Variants in ZFP90 observed in about 807,000 individuals in gnomAD.
ZFP90 encodes the protein ZFP90 zinc finger protein.
In ZFP90, 38 loss-of-function variants were observed where a neutral mutation model predicts 60.8. That is an observed-to-expected ratio of 0.62 (90% CI 0.48 to 0.82). ZFP90 has a LOEUF of 0.82. Among genes scored for constraint, ZFP90 ranks in the 40% least tolerant of loss-of-function variants. ZFP90 has a pLI of 0.00. For synonymous variants in ZFP90, 287 were observed against 264.8 expected (o/e 1.08, Z -0.82); for missense variants, 711 against 759.1 (o/e 0.94, Z 0.74).
intron 2 of ZFP90, among the ~76,000 whole-genome samples, chr16:68,541,330 G>A (rs2091045873): frequency 6.6e-6 from 1 of 151,930 alleles, no homozygotes; most frequent in African/African-American, 2.4e-5. Flanking sequence ...GAGCCACCAC[G>A]CCTGGCCTAA....
intron 2 of ZFP90, among the ~76,000 whole-genome samples, chr16:68,552,114 A>C (rs2152065694): frequency 6.6e-6 from 1 of 152,326 alleles, no homozygotes; most frequent in Middle Eastern, 3.4e-3. Flanking sequence ...ATCTGGAAGA[A>C]GGATGAGCAG....
intron 2 of ZFP90, among the ~76,000 whole-genome samples, chr16:68,550,176 A>C (rs2091234883): frequency 6.6e-6 from 1 of 152,192 alleles, no homozygotes. Flanking sequence ...TCATCTCTAC[A>C]TGTGATAAAT....
At chr16:68,545,581 G>A (rs932958475) in intron 2 of ZFP90, among the ~76,000 whole-genome samples, 1 of 152,044 alleles carries the variant, frequency 6.6e-6, no homozygotes, top group African/African-American at 2.4e-5. Flanking sequence ...TTGGGAGGCC[G>A]AGGCAGGTGG....
chr16:68,558,404 C>T (rs540135794), intron 3 of ZFP90, 69 bp from the exon 4 acceptor site: 72 of 1,436,720 alleles, frequency 5.0e-5, no homozygotes, highest in Middle Eastern at 3.5e-4. Flanking sequence ...CTAGTACTGA[C>T]TTGTCCTTAG....
chr16:68,542,748 A>G (rs1328682872), intron 2 of ZFP90, among the ~76,000 whole-genome samples: 4 of 152,162 alleles, frequency 2.6e-5, no homozygotes, highest in East Asian at 1.9e-4. Flanking sequence ...GGAGAATAGA[A>G]GGAGTTTGGA....
At chr16:68,539,970 C>G (rs1597710352) in intron 2 of ZFP90, 145 bp downstream of exon 2, 1 of 1,253,826 alleles carries the variant, frequency 8.0e-7, no homozygotes, top group East Asian at 2.8e-5. Context: ...ATGGAAAACC[C>G]CAGGCTTTGG....
chr16:68,565,583 G>A lies in ZFP90; in HGVS notation c.*885G>A, dbSNP rs754408947. 9 of 985,350 alleles carry A rather than the reference G, an allele frequency of 9.1e-6. No homozygotes were observed. Among genetic ancestry groups the A allele is most frequent in the African/African-American group, 1.7e-5 (1 of 57,194 alleles). 61.0% of individuals were successfully genotyped at this position (985,350 alleles called of 1,614,324 possible). ...ACAATTATACTTTCAGCTAACATAT[G>A]CCAGTTTCACAGAACTATTAAGTCC... On this transcript the variant is annotated 3_prime_UTR_variant, in exon 5 of 5. Coordinates refer to ENST00000563169, the MANE Select transcript of ZFP90 (RefSeq NM_001305203.2).
rs1187217643 is a variant in ZFP90 at position 68,558,506 on chromosome 16, A to G, written c.194A>G (p.Lys65Arg). The change falls in exon 4 of 5, where the codon AAA becomes AGA. Residue 65 changes from lysine to arginine, a missense_variant. By Grantham distance (26) the Lys-to-Arg change is conservative. Around this residue, in one of 5 missense-constraint regions of ZFP90, gnomAD observed 241 missense variants for 247.6 expected, o/e 0.97. Coordinates refer to ENST00000563169, the MANE Select transcript of ZFP90 (RefSeq NM_001305203.2). The part of the protein sequence containing the change: ...YQVSKPEVIF[K>R]LEQGEEPWIS... ...GTTTCCAAGCCAGAGGTGATCTTCA[A>G]ATTGGAGCAAGGAGAAGAGCCATGG... 1 of 1,614,030 alleles carries G rather than the reference A, an allele frequency of 6.2e-7. No individual in the cohort carries two copies. Among genetic ancestry groups the G allele is most frequent in the Non-Finnish European group, 8.5e-7 (1 of 1,180,002 alleles).
At chr16:68,539,092 G>C (rs2090986042), upstream of ZFP90, 1 of 152,264 alleles carries the variant, frequency 6.6e-6, no homozygotes, top group Non-Finnish European at 1.5e-5. Context: ...TTGCAAAGAG[G>C]AGGCGGACAG....
chr16:68,560,044 T>C (rs1167345066), intron 4 of ZFP90, among the ~76,000 whole-genome samples: 4 of 152,200 alleles, frequency 2.6e-5, no homozygotes, highest in Admixed American at 2.6e-4. Flanking sequence ...CAGATTTAGA[T>C]TGCTATAATT....
rs528101267 is a variant in ZFP90 at position 68,550,655 on chromosome 16, A to G, written c.34-7343A>G. 6.6e-5 allele frequency among the ~76,000 whole-genome samples: 10 copies of G among 152,294 alleles called. No individual in the cohort carries two copies. The South Asian group carries it at 1.0e-3, about 16-fold the overall frequency. On this transcript the variant is annotated intron_variant, in intron 2 of 4. Transcript: ENST00000563169. Reference sequence around the variant, plus strand: ...TTTTCTTTTCCTCCTAGCATTTAAAACCAGTTTGTAATTGGGTGAACATCT... The same window carrying G: ...TTTTCTTTTCCTCCTAGCATTTAAAGCCAGTTTGTAATTGGGTGAACATCT...
intron 2 of ZFP90, among the ~76,000 whole-genome samples, chr16:68,547,098 C>A (rs1187022897): frequency 6.6e-6 from 1 of 152,156 alleles, no homozygotes; most frequent in Admixed American, 6.5e-5. Flanking sequence ...ACAGATATCT[C>A]TTTGAGACCT....
intron 2 of ZFP90, among the ~76,000 whole-genome samples, chr16:68,554,165 C>T (rs1489454138): frequency 2.0e-5 from 3 of 150,224 alleles, no homozygotes; most frequent in South Asian, 2.1e-4. Context: ...TCTGTTGCCC[C>T]GGCTGGAGTG....
intron 2 of ZFP90, among the ~76,000 whole-genome samples, chr16:68,545,892 T>C (rs1253811551): frequency 4.0e-5 from 6 of 149,834 alleles, no homozygotes; most frequent in South Asian, 2.1e-4. Context: ...GTATATCTTA[T>C]GGCCGGGTAC....
chr16:68,561,115 G>A (rs1728788), intron 4 of ZFP90, among the ~76,000 whole-genome samples: 116,866 of 151,880 alleles, frequency 0.77, 45,013 homozygotes, highest in East Asian at 0.82. Flanking sequence ...GGCTGGTTGC[G>A]AACTCCTGAG....
chr16:68,564,414 C>T lies in ZFP90; in HGVS notation c.1627C>T (p.His543Tyr). The change falls in exon 5 of 5, where the codon CAT (histidine) becomes TAT (tyrosine). Residue 543 changes from histidine (H) to tyrosine (Y), a missense_variant. Physicochemically the swap from His to Tyr is moderately conservative, Grantham distance 83 (BLOSUM62 2). Around this residue, in one of 5 missense-constraint regions of ZFP90, gnomAD observed 295 missense variants for 274.0 expected, o/e 1.08. Transcript: ENST00000563169. ...TAGTCGACGCTCATCGCTTACTCAA[C>T]ATGAGAGAACCCACACTGGAGAGAA... ...AFSRRSSLTQ[H>Y]ERTHTGEKPY... The T allele has an allele frequency of 1.9e-6, 3 of 1,613,958 alleles. No homozygotes were observed. Among genetic ancestry groups the T allele is most frequent in the Non-Finnish European group, 2.5e-6 (3 of 1,179,930 alleles).
chr16:68,536,309 T>C (rs2090960240), upstream of ZFP90, among the ~76,000 whole-genome samples: 1 of 152,130 alleles, frequency 6.6e-6, no homozygotes, highest in Non-Finnish European at 1.5e-5. Flanking sequence ...TAAGGAATTC[T>C]TTTTCTTTCT....
intron 2 of ZFP90, among the ~76,000 whole-genome samples, chr16:68,550,378 G>A (rs570821373): frequency 6.6e-6 from 1 of 152,262 alleles, no homozygotes; most frequent in East Asian, 1.9e-4. Context: ...TCCTGCCTCA[G>A]CCTCCTGGGA....
chr16:68,570,797 T>TC (rs2091563971), downstream of ZFP90, among the ~76,000 whole-genome samples: 1 of 152,236 alleles, frequency 6.6e-6, no homozygotes, highest in Admixed American at 6.5e-5. Flanking sequence ...CCTTTTTTTT[T>TC]CACTTGGCTT....
Sources: gnomAD v4.1 joint callset for allele counts (sites outside exome capture counted in the v4.1 genomes callset) on GRCh38, gnomAD v4.1.1 for gene constraint, gnomAD v4.1.1 regional missense constraint, MANE v1.5 for transcripts, NCBI Gene and HGNC (gene_info 2026-07-23, HGNC 2026-07-21) for gene names.